The following FRAS1 variants were observed in gnomAD, a reference collection of about 807,000 sequenced individuals.
FRAS1 encodes the protein extracellular matrix organizing protein FRAS1.
Under a neutral mutation model 435.2 loss-of-function variants are expected in FRAS1, and 290 were observed. That is an observed-to-expected ratio of 0.67 (90% CI 0.61 to 0.73). FRAS1 has a LOEUF of 0.73. FRAS1 is among the 30% of genes least tolerant of loss of function. FRAS1 has a pLI of 0.00. For synonymous variants in FRAS1, 1,800 were observed against 1,851.0 expected (o/e 0.97, Z 0.71); for missense variants, 4,860 against 5,001.5 (o/e 0.97, Z 0.85).
At chr4:78,212,679 T>G (rs1723567611) in intron 2 of FRAS1, among the ~76,000 whole-genome samples, 1 of 152,204 alleles carries the variant, frequency 6.6e-6, no homozygotes. Context: ...GATGTCAACT[T>G]AGAATTTCCA....
At chr4:78,487,004 T>C (rs1459928774) in intron 58 of FRAS1, among the ~76,000 whole-genome samples, 1 of 152,180 alleles carries the variant, frequency 6.6e-6, no homozygotes, top group African/African-American at 2.4e-5. Flanking sequence ...TTGAGGCCTG[T>C]CAGGCCAGCA....
At chr4:78,113,996 A>G (rs1025472520) in intron 2 of FRAS1, among the ~76,000 whole-genome samples, 3 of 152,014 alleles carry the variant, frequency 2.0e-5, no homozygotes, top group East Asian at 1.9e-4. Context: ...ATCTTGAATT[A>G]ATTTTTGTAT....
At chr4:78,208,967 T>A (rs1723384885) in intron 2 of FRAS1, among the ~76,000 whole-genome samples, 1 of 151,820 alleles carries the variant, frequency 6.6e-6, no homozygotes, top group African/African-American at 2.4e-5. Context: ...TGAGACCCTG[T>A]CTCTACAAAA....
At chr4:78,339,612 C>T (rs977285291) in intron 20 of FRAS1, among the ~76,000 whole-genome samples, 5 of 152,178 alleles carry the variant, frequency 3.3e-5, no homozygotes, top group African/African-American at 9.7e-5. Flanking sequence ...CATGGTTTCA[C>T]CAGGAGACAG....
intron 2 of FRAS1, among the ~76,000 whole-genome samples, chr4:78,209,794 T>A (rs1014364361): frequency 1.3e-5 from 2 of 152,168 alleles, no homozygotes; most frequent in Admixed American, 1.3e-4. Context: ...TAACTGCTCT[T>A]AATTAAAAGG....
chr4:78,379,695 A>T, intron 26 of FRAS1, 31 bp from the exon 27 acceptor site: 1 of 1,596,250 alleles, frequency 6.3e-7, no homozygotes. Context: ...AGGTACCATA[A>T]GCTTGACCTT....
At chr4:78,249,290 T>G (rs1272466387) in intron 4 of FRAS1, among the ~76,000 whole-genome samples, 2 of 148,816 alleles carry the variant, frequency 1.3e-5, no homozygotes, top group African/African-American at 4.9e-5. Context: ...TGTCTGGACT[T>G]TCTTCTGTGG....
chr4:78,277,131 C>T (rs1037157339), intron 9 of FRAS1, among the ~76,000 whole-genome samples: 11 of 152,218 alleles, frequency 7.2e-5, no homozygotes, highest in Non-Finnish European at 1.5e-4. Flanking sequence ...GGGATATAAT[C>T]TCCTGGTGTG....
chr4:78,339,953 T>C (rs534867133), intron 20 of FRAS1, among the ~76,000 whole-genome samples: 2 of 152,298 alleles, frequency 1.3e-5, no homozygotes, highest in Admixed American at 6.5e-5. Context: ...TCCTTCATGA[T>C]GGCTTTTTTA....
At chr4:78,469,551 T>C (rs573100146) in intron 50 of FRAS1, among the ~76,000 whole-genome samples, 1 of 152,320 alleles carries the variant, frequency 6.6e-6, no homozygotes, top group African/African-American at 2.4e-5. Context: ...CCTAGAAATT[T>C]CAACATTAAC....
At chr4:78,086,951 C>A (rs956376175) in intron 2 of FRAS1, among the ~76,000 whole-genome samples, 1 of 152,094 alleles carries the variant, frequency 6.6e-6, no homozygotes, top group Non-Finnish European at 1.5e-5. Flanking sequence ...GATACCAAAG[C>A]CTGGCAGAGA....
chr4:78,257,402 G>A (rs1440432682), intron 6 of FRAS1, among the ~76,000 whole-genome samples: 1 of 152,072 alleles, frequency 6.6e-6, no homozygotes, highest in East Asian at 1.9e-4. Context: ...CTAACATCAA[G>A]CCTTCCAAGA....
In FRAS1 at chr4:78,213,212, C is replaced by G. The variant is rs76605850; in HGVS notation, c.109-24298C>G. Among the ~76,000 whole-genome samples the G allele has an allele frequency of 4.6e-5, 7 of 152,320 alleles. No individual in the cohort carries two copies. The East Asian group carries it at 1.4e-3, about 29-fold the overall frequency. ...AATGTGGCTCCACAATTTTGGAGAT[C>G]CAAGTTCCTTCTGTTTTGTAGATCC... On this transcript the variant is annotated intron_variant, in intron 2 of 73. Transcript: ENST00000512123.
intron 14 of FRAS1, among the ~76,000 whole-genome samples, chr4:78,307,757 GC>G (rs1381651999): frequency 6.6e-6 from 1 of 152,192 alleles, no homozygotes; most frequent in Non-Finnish European, 1.5e-5. Flanking sequence ...CCACTGTCTG[GC>G]ATTCCTTAGT....
intron 2 of FRAS1, among the ~76,000 whole-genome samples, chr4:78,169,080 C>A (rs1721450365): frequency 6.6e-6 from 1 of 152,026 alleles, no homozygotes; most frequent in Non-Finnish European, 1.5e-5. Context: ...ACCAGCCGAA[C>A]AAGGGGGAGT....
chr4:78,466,124 C>A (rs4975120), intron 49 of FRAS1, 84 bp from the exon 50 acceptor site: 349,410 of 1,073,014 alleles, frequency 0.33, 58,899 homozygotes, highest in Non-Finnish European at 0.35. Context: ...GTTCTACTAC[C>A]CTTGATCAGC....
intron 2 of FRAS1, among the ~76,000 whole-genome samples, chr4:78,196,755 G>A (rs933572971): frequency 6.6e-6 from 1 of 152,154 alleles, no homozygotes; most frequent in Non-Finnish European, 1.5e-5. Context: ...AAAGAAAAAC[G>A]TATGTGAAGT....
intron 2 of FRAS1, among the ~76,000 whole-genome samples, chr4:78,188,863 C>T (rs1382999849): frequency 6.6e-6 from 1 of 152,162 alleles, no homozygotes; most frequent in Non-Finnish European, 1.5e-5. Context: ...CGTCCTCATG[C>T]TATAAATGAC....
At chr4:78,361,858 C>A (rs779625116) in intron 20 of FRAS1, among the ~76,000 whole-genome samples, 1 of 152,228 alleles carries the variant, frequency 6.6e-6, no homozygotes, top group South Asian at 2.1e-4. Flanking sequence ...AGAACTCTTT[C>A]TTTTCTCTTT....
Sources: gnomAD v4.1 joint callset for allele counts (sites outside exome capture counted in the v4.1 genomes callset) on GRCh38, gnomAD v4.1.1 for gene constraint, MANE v1.5 for transcripts, NCBI Gene and HGNC (gene_info 2026-07-23, HGNC 2026-07-21) for gene names.